The following TRA2A variants were observed in gnomAD, a reference collection of about 807,000 sequenced individuals.
TRA2A encodes the protein transformer-2 protein homolog alpha.
In TRA2A, 31 loss-of-function variants were observed where a neutral mutation model predicts 45.7. The observed-to-expected ratio is 0.68, with a 90% CI of 0.51 to 0.92. TRA2A has a LOEUF of 0.92. Among genes scored for constraint, TRA2A ranks in the 40% least tolerant of loss-of-function variants. The probability of loss-of-function intolerance (pLI) is 0.00; values close to 1 mark genes in which losing one functional copy is unlikely to be tolerated. For missense variants in TRA2A, 304 were observed against 367.5 expected (o/e 0.83, Z 1.41); for synonymous variants, 132 against 126.2 (o/e 1.05, Z -0.31).
chr7:23,517,477 CAA>C (rs70954385), intron 2 of TRA2A, among the ~76,000 whole-genome samples: 180 of 13,878 alleles, frequency 0.013, no homozygotes, highest in South Asian at 0.054. Context: ...GACTACGTCT[CAA>C]AAAAAAAAAA....
chr7:23,522,043 A>G, intron 1 of TRA2A: 1 of 1,396,788 alleles, frequency 7.2e-7, no homozygotes, highest in Non-Finnish European at 9.3e-7. Context: ...GAACCAGATC[A>G]CCAATTCTCT....
intron 4 of TRA2A, among the ~76,000 whole-genome samples, chr7:23,511,908 A>G (rs1332091772): frequency 6.6e-6 from 1 of 152,250 alleles, no homozygotes; most frequent in Non-Finnish European, 1.5e-5. Flanking sequence ...CATTTAGAGA[A>G]TAGAAAAACA....
chr7:23,513,695 G>C (rs1475375055), intron 3 of TRA2A, among the ~76,000 whole-genome samples: 1 of 151,834 alleles, frequency 6.6e-6, no homozygotes, highest in Non-Finnish European at 1.5e-5. Flanking sequence ...CTGTAGAAAG[G>C]GTACGCTTGT....
chr7:23,531,960 C>T lies in TRA2A; in HGVS notation c.-136G>A, dbSNP rs115263571. The T allele has an allele frequency of 2.9e-3, 2,609 of 910,116 alleles. 52 individuals are homozygous for T. In the African/African-American group the frequency reaches 0.039, roughly 14 times the overall value. The allele number at this position is 910,116 out of a possible 1,614,324, so 56.4% of individuals were successfully genotyped here. On this transcript the variant is annotated 5_prime_UTR_variant, in exon 1 of 8. Coordinates refer to ENST00000297071, the MANE Select transcript of TRA2A (RefSeq NM_013293.5). The stretch of plus-strand genomic sequence containing the variant: ...ACAGCCGCTCCACTCCACTCCCACT[C>T]GGTCGCAGGCTCCAGCAAAATGGCG...
intron 1 of TRA2A, among the ~76,000 whole-genome samples, chr7:23,530,027 T>C (rs1162026919): frequency 6.6e-6 from 1 of 152,116 alleles, no homozygotes; most frequent in East Asian, 1.9e-4. Flanking sequence ...GTCCCTCCAG[T>C]AGTCCTCTTC....
intron 4 of TRA2A, among the ~76,000 whole-genome samples, chr7:23,510,529 T>A (rs1789551264): frequency 6.8e-6 from 1 of 147,136 alleles, no homozygotes; most frequent in South Asian, 2.1e-4. Flanking sequence ...GGTTTCACCC[T>A]GTTGGCCAGG....
chr7:23,516,598 G>A, intron 2 of TRA2A, 70 bp from the exon 3 acceptor site: 2 of 1,397,934 alleles, frequency 1.4e-6, no homozygotes, highest in Non-Finnish European at 2.0e-6. Context: ...CTTCCAAGAA[G>A]GTATACATAT....
At position 23,505,222 on chromosome 7, in the gene TRA2A, A is replaced by C. The variant is rs1789258294; in HGVS notation, c.*337T>G. 1 of 255,510 alleles carries C rather than the reference A, an allele frequency of 3.9e-6. No homozygotes were observed. The highest frequency in any genetic ancestry group is 1.6e-4 in the South Asian group (1 of 6,286). 15.8% of individuals were successfully genotyped at this position (255,510 alleles called of 1,614,324 possible). A position where few individuals can be genotyped will look rare whatever the true frequency, so the allele number is the denominator to read the frequency against. On this transcript the variant is annotated 3_prime_UTR_variant, in exon 8 of 8. Transcript: ENST00000297071. ...TCTCTAATACAGTATCTAACACAAA[A>C]GAAGCTTTAAAAAGACAGTTTCTTT...
chr7:23,531,968 G>A lies in TRA2A; in HGVS notation c.-144C>T, dbSNP rs1213745665. ...TCCACTCCACTCCCACTCGGTCGCA[G>A]GCTCCAGCAAAATGGCGCCGGCGCC... On this transcript the variant is annotated 5_prime_UTR_variant, in exon 1 of 8. Coordinates refer to ENST00000297071, the MANE Select transcript of TRA2A (RefSeq NM_013293.5). 1.2e-6 allele frequency: 1 copy of A among 862,660 alleles called. No individual in the cohort carries two copies. The highest frequency in any genetic ancestry group is 2.6e-5 in the East Asian group (1 of 38,266). The allele number at this position is 862,660 out of a possible 1,614,324, so 53.4% of individuals were successfully genotyped here.
At chr7:23,512,784 AAAAG>A (rs1789686806) in intron 4 of TRA2A, 106 bp downstream of exon 4, 1 of 1,010,056 alleles carries the variant, frequency 9.9e-7, no homozygotes, top group Non-Finnish European at 1.4e-6. Context: ...AAAAAAAAAA[AAAAG>A]AAAAAAAGGA....
In TRA2A at chr7:23,516,403, T is replaced by A; in HGVS notation, c.296A>T (p.His99Leu). 1 of 1,614,226 alleles carries A rather than the reference T, an allele frequency of 6.2e-7. No homozygotes were observed. Among genetic ancestry groups the A allele is most frequent in the Non-Finnish European group, 8.5e-7 (1 of 1,180,034 alleles). The change falls in exon 3 of 8, where the codon CAT (histidine) becomes CTT (leucine). Residue 99 changes from histidine (H) to leucine (L), a missense_variant. By Grantham distance (99) the His-to-Leu change is moderately conservative (BLOSUM62 -3). Around this residue, in one of 3 missense-constraint regions of TRA2A, gnomAD observed 130 missense variants for 217.1 expected, o/e 0.60. Coordinates refer to ENST00000297071, the MANE Select transcript of TRA2A (RefSeq NM_013293.5). ...PEYRRRRSRS[H>L]SPMSNRRRHT... is the part of the protein sequence containing the mutation. The stretch of plus-strand genomic sequence containing the variant: ...TCTTCTCCGGTTAGACATTGGAGAA[T>A]GGCTTCGGCTCCTTCGCCGCCGGTA...
intron 4 of TRA2A, among the ~76,000 whole-genome samples, chr7:23,512,537 T>A (rs955006552): frequency 1.1e-4 from 16 of 151,974 alleles, no homozygotes; most frequent in African/African-American, 3.9e-4. Flanking sequence ...CGGCTCACTG[T>A]AAGCTCTGCC....
chr7:23,510,185 T>G (rs1314681798), intron 4 of TRA2A, among the ~76,000 whole-genome samples: 1 of 152,186 alleles, frequency 6.6e-6, no homozygotes, highest in Non-Finnish European at 1.5e-5. Flanking sequence ...CCTGGGCAAC[T>G]GAAAAGAGAA....
intron 3 of TRA2A, among the ~76,000 whole-genome samples, chr7:23,514,643 G>A (rs1789775697): frequency 6.6e-6 from 1 of 151,620 alleles, no homozygotes; most frequent in Non-Finnish European, 1.5e-5. Context: ...TGCCCAAGCT[G>A]GAGTTTACTG....
intron 1 of TRA2A, 55 bp downstream of exon 1, chr7:23,531,734 T>G: frequency 1.2e-6 from 2 of 1,606,314 alleles, no homozygotes; most frequent in Non-Finnish European, 1.7e-6. Context: ...CTTGTTCCCG[T>G]GAAACCCCGA....
chr7:23,506,628 G>C (rs926706910), intron 5 of TRA2A: 1 of 229,512 alleles, frequency 4.4e-6, no homozygotes, highest in South Asian at 1.7e-4. Context: ...ATAAATAAAT[G>C]AATAAAAGGT....
In TRA2A at chr7:23,507,415, C is replaced by A. The variant is rs1236014242; in HGVS notation, c.641+5G>T. ...TAGTTTAGCTTAGGAAACTTGAACT[C>A]TTACTGAGTTGGTCTGCCCATGTAG... On this transcript the variant is annotated splice_donor_5th_base_variant and intron_variant, in intron 5 of 7. Coordinates refer to ENST00000297071, the MANE Select transcript of TRA2A (RefSeq NM_013293.5). 6.2e-7 allele frequency: 1 copy of A among 1,610,260 alleles called. No homozygotes were observed. Among genetic ancestry groups the A allele is most frequent in the Non-Finnish European group, 8.5e-7 (1 of 1,176,788 alleles).
In TRA2A at chr7:23,511,370, C is replaced by CAAAAA. The variant is rs567187750; in HGVS notation, c.525+1519_525+1523dup. 1.8e-3 allele frequency among the ~76,000 whole-genome samples: 71 copies of CAAAAA among 40,088 alleles called. 3 individuals are homozygous for CAAAAA. Among genetic ancestry groups the CAAAAA allele is most frequent in the Non-Finnish European group, 2.1e-3 (46 of 21,504 alleles). 26.3% of individuals were successfully genotyped at this position (40,088 alleles called of 152,430 possible). A position where few individuals can be genotyped will look rare whatever the true frequency, so the allele number is the denominator to read the frequency against. The stretch of plus-strand genomic sequence containing the variant: ...TGGGCGACAGAGCGAGACTCCATCT[C>CAAAAA]AAAAAAAAAAAAAAAAAAAAAAAAA... On this transcript the variant is annotated intron_variant, in intron 4 of 7. Transcript: ENST00000297071.
intron 1 of TRA2A, among the ~76,000 whole-genome samples, chr7:23,530,909 A>AT (rs35844350): frequency 0.18 from 25,942 of 147,216 alleles, 2,344 homozygotes; most frequent in East Asian, 0.37. Flanking sequence ...AGAAAGACAG[A>AT]TTTTTTTTTT....
Sources: allele counts gnomAD v4.1 joint callset (sites outside exome capture counted in the v4.1 genomes callset), GRCh38; gene constraint gnomAD v4.1.1; regional missense constraint gnomAD v4.1.1; transcripts MANE v1.5; gene names NCBI Gene and HGNC (gene_info 2026-07-23, HGNC 2026-07-21).